The following EIF3M variants were observed in gnomAD, a reference collection of about 807,000 sequenced individuals.
The protein encoded by EIF3M is B5 receptor.
EIF3M carries 25 observed loss-of-function variants against 49.7 expected under a neutral mutation model. The observed-to-expected ratio is 0.50, with a 90% CI of 0.37 to 0.70. EIF3M has a LOEUF of 0.70. EIF3M is among the 30% of genes least tolerant of loss of function. The pLI is 0.00. For missense variants in EIF3M, 350 were observed against 440.0 expected (o/e 0.80, Z 1.83); for synonymous variants, 156 against 149.8 (o/e 1.04, Z -0.30).
Position 32,605,503 on chromosome 11 carries a change from A to T in EIF3M, c.*3104A>T, listed in dbSNP as rs550816600. ...TAGTAATGGATAAAAACCTACATAA[A>T]TATTTCCTATTTTGCCATCAAAGTG... On this transcript the variant is annotated 3_prime_UTR_variant, in exon 11 of 11. Transcript: ENST00000531120. The T allele has an allele frequency of 6.6e-6, 1 of 152,300 alleles. No homozygotes were observed. Among genetic ancestry groups the T allele is most frequent in the African/African-American group, 2.4e-5 (1 of 41,566 alleles). The allele number at this position is 152,300 out of a possible 1,614,324, so 9.4% of individuals were successfully genotyped here.
At chr11:32,595,942 C>G in intron 7 of EIF3M, 24 bp from the exon 8 acceptor site, 3 of 1,501,296 alleles carry the variant, frequency 2.0e-6, no homozygotes, top group Non-Finnish European at 2.7e-6. Context: ...TTGATGGTAT[C>G]TTTTTTGTCT....
Position 32,589,038 on chromosome 11 carries a change from A to G in EIF3M, c.341A>G (p.Asp114Gly), listed in dbSNP as rs753534895. The G allele has an allele frequency of 6.2e-7, 1 of 1,614,122 alleles. No individual in the cohort carries two copies. The highest frequency in any genetic ancestry group is 8.5e-7 in the Non-Finnish European group (1 of 1,180,014). ...TTAAGCAACCTTTTCCACGGGATGG[A>G]TAAGAATACTCCTGTAAGATACACA... ...QLLSNLFHGMDKNTPVRYTVY... is the reference protein window; with the variant it reads ...QLLSNLFHGMGKNTPVRYTVY... The change falls in exon 4 of 11, where the codon GAT becomes GGT. Residue 114 changes from aspartate (D) to glycine (G), a missense_variant. Coordinates refer to ENST00000531120, the MANE Select transcript of EIF3M (RefSeq NM_006360.6).
chr11:32,593,952 A>G lies in EIF3M; in HGVS notation c.617+3A>G. On this transcript the variant is annotated splice_donor_region_variant and intron_variant, in intron 6 of 10. Transcript: ENST00000531120. ...CAGGCTCGAGTTGATGCCCACAGGT[A>G]ATGTTAAACGTTACTCTGATGAGGG... is the stretch of plus-strand genomic sequence containing the variant. 6.5e-7 allele frequency: 1 copy of G among 1,531,052 alleles called. No individual in the cohort carries two copies. Among genetic ancestry groups the G allele is most frequent in the Non-Finnish European group, 8.8e-7 (1 of 1,138,278 alleles). 94.8% of individuals were successfully genotyped at this position (1,531,052 alleles called of 1,614,324 possible).
intron 3 of EIF3M, 138 bp downstream of exon 3, chr11:32,588,870 T>G (rs538625850): frequency 6.5e-7 from 1 of 1,537,952 alleles, no homozygotes; most frequent in Middle Eastern, 1.8e-4. Flanking sequence ...GGCAAGTGGC[T>G]TGACCTTTCT....
intron 9 of EIF3M, 131 bp from the exon 10 acceptor site, chr11:32,601,625 ATTAGAT>A (rs1003830391): frequency 1.8e-5 from 13 of 717,368 alleles, no homozygotes; most frequent in Admixed American, 1.2e-4. Context: ...TGTTTTGCTT[ATTAGAT>A]TTAAACAGTG....
chr11:32,599,091 A>C (rs1166541181), intron 8 of EIF3M, among the ~76,000 whole-genome samples: 2 of 152,076 alleles, frequency 1.3e-5, no homozygotes, highest in Non-Finnish European at 2.9e-5. Context: ...ACAACTATCT[A>C]GATTCCACAA....
chr11:32,601,007 A>T (rs912015012), intron 9 of EIF3M, 175 bp downstream of exon 9: 2 of 707,220 alleles, frequency 2.8e-6, no homozygotes, highest in African/African-American at 1.8e-5. Context: ...TAGTAGAAAT[A>T]TAAACTGCTA....
intron 8 of EIF3M, among the ~76,000 whole-genome samples, chr11:32,597,780 AACAC>A (rs776760338): frequency 2.6e-5 from 4 of 152,188 alleles, no homozygotes; most frequent in Non-Finnish European, 4.4e-5. Flanking sequence ...CAATAATCAA[AACAC>A]ATTAGAGATT....
intron 10 of EIF3M, 117 bp downstream of exon 10, chr11:32,601,939 G>A: frequency 6.6e-6 from 7 of 1,057,102 alleles, no homozygotes; most frequent in Non-Finnish European, 9.7e-6. Context: ...TTAAATAGTT[G>A]CTATTTATCA....
At chr11:32,595,455 A>T (rs747210898) in intron 7 of EIF3M, among the ~76,000 whole-genome samples, 3 of 151,320 alleles carry the variant, frequency 2.0e-5, no homozygotes, top group Admixed American at 6.6e-5. Context: ...CCGACTCCTG[A>T]CCCCCCTGAC....
chr11:32,599,269 T>A (rs902055833), intron 8 of EIF3M, among the ~76,000 whole-genome samples: 2 of 152,052 alleles, frequency 1.3e-5, no homozygotes, highest in African/African-American at 2.4e-5. Flanking sequence ...TAATTTGCAT[T>A]GTTAATTAGG....
chr11:32,589,502 T>A, intron 4 of EIF3M, 45 bp from the exon 5 acceptor site: 1 of 1,551,404 alleles, frequency 6.4e-7, no homozygotes, highest in South Asian at 1.1e-5. Flanking sequence ...TATGTTATAC[T>A]TTATATGTGT....
At chr11:32,590,915 A>G (rs1490923009) in intron 5 of EIF3M, among the ~76,000 whole-genome samples, 1 of 151,676 alleles carries the variant, frequency 6.6e-6, no homozygotes, top group Non-Finnish European at 1.5e-5. Context: ...CAGTGGCGCA[A>G]TCTCAGCTCA....
At chr11:32,594,819 T>A in intron 6 of EIF3M, 95 bp from the exon 7 acceptor site, 1 of 1,082,738 alleles carries the variant, frequency 9.2e-7, no homozygotes, top group Non-Finnish European at 1.3e-6. Flanking sequence ...CTGTTAGATA[T>A]TTTGCCGAAT....
In EIF3M at chr11:32,600,795, G is replaced by T. The variant is rs1180272135; in HGVS notation, c.906G>T (p.Gln302His). 1.9e-6 allele frequency: 3 copies of T among 1,610,204 alleles called. No individual in the cohort carries two copies. Among genetic ancestry groups the T allele is most frequent in the East Asian group, 2.2e-5 (1 of 44,708 alleles). The change falls in exon 9 of 11, where the codon CAG (glutamine) becomes CAT (histidine). Residue 302 changes from glutamine (Q) to histidine (H), a missense_variant. By Grantham distance (24) the Gln-to-His change is conservative. Transcript: ENST00000531120. Reference sequence around the variant, plus strand: ...TTGACACAATGCAGCAAGAACTTCAGATTGGAGCTGATGATGTTGAAGCAT... The same window carrying T: ...TTGACACAATGCAGCAAGAACTTCATATTGGAGCTGATGATGTTGAAGCAT... ...ISFDTMQQEL[Q>H]IGADDVEAFV...
At chr11:32,602,038 T>C (rs1590532405) in intron 10 of EIF3M, 1 of 840,256 alleles carries the variant, frequency 1.2e-6, no homozygotes, top group Non-Finnish European at 1.9e-6. Flanking sequence ...TGGCTGAGCA[T>C]TGGCTAGAAT....
chr11:32,585,643 G>A (rs184395880), intron 1 of EIF3M, among the ~76,000 whole-genome samples: 5 of 152,300 alleles, frequency 3.3e-5, no homozygotes, highest in Non-Finnish European at 5.9e-5. Context: ...CATGAAGCAT[G>A]ATTTCTGGAG....
At position 32,589,598 on chromosome 11, in the gene EIF3M, C is replaced by T. The variant is rs11557142; in HGVS notation, c.490C>T (p.Leu164Phe). The part of the protein sequence containing the change: ...WNLTTEKKHT[L>F]LRLLYEALVD... The stretch of plus-strand genomic sequence containing the variant: ...TCTCACCACTGAAAAAAAGCACACC[C>T]TTTTAAGACTACTTTATGAGGCACT... Residue 164 changes from leucine (L) to phenylalanine (F), a missense_variant, in exon 5 of 11, where the codon CTT becomes TTT. By Grantham distance (22) the Leu-to-Phe change is conservative. Transcript: ENST00000531120. 2 of 1,614,002 alleles carry T rather than the reference C, an allele frequency of 1.2e-6. No homozygotes were observed. Among genetic ancestry groups the T allele is most frequent in the Non-Finnish European group, 1.7e-6 (2 of 1,180,026 alleles).
intron 2 of EIF3M, among the ~76,000 whole-genome samples, chr11:32,587,857 A>G (rs201879): frequency 0.45 from 68,237 of 152,000 alleles, 15,936 homozygotes; most frequent in African/African-American, 0.54. Flanking sequence ...GCACATATAC[A>G]AAAAAATTAG....
Sources: gnomAD v4.1 joint callset for allele counts (sites outside exome capture counted in the v4.1 genomes callset) on GRCh38, gnomAD v4.1.1 for gene constraint, MANE v1.5 for transcripts, NCBI Gene and HGNC (gene_info 2026-07-23, HGNC 2026-07-21) for gene names.